Variants in PTPRD observed in about 807,000 individuals in gnomAD.
PTPRD encodes receptor-type tyrosine-protein phosphatase delta.
Under a neutral mutation model 214.5 loss-of-function variants are expected in PTPRD, and 34 were observed. That is an observed-to-expected ratio of 0.16 (90% confidence interval 0.12 to 0.21). The LOEUF (loss-of-function observed/expected upper bound fraction) is 0.21, where lower values mean the gene tolerates loss of function less well. Ranked by LOEUF, PTPRD falls within the 10% of genes least tolerant of loss-of-function variation. The pLI, the probability that PTPRD is intolerant of heterozygous loss-of-function variation, is 1.00. For synonymous variants in PTPRD, 1,128 were observed against 845.7 expected, an observed-to-expected ratio of 1.33 and a Z score of -5.79; for missense variants, 2,545 against 2,398.7, an observed-to-expected ratio of 1.06 and a Z score of -1.27.
chr9:9,558,007 C>A (rs1249274314), intron 8 of PTPRD, among the ~76,000 whole-genome samples: 1 of 152,214 alleles, frequency 6.6e-6, no homozygotes, highest in Non-Finnish European at 1.5e-5. Flanking sequence ...CAGCACACAG[C>A]CAGCTTTTAC....
intron 11 of PTPRD, among the ~76,000 whole-genome samples, chr9:8,849,962 A>G (rs963764802): frequency 6.6e-6 from 1 of 152,234 alleles, no homozygotes; most frequent in African/African-American, 2.4e-5. Flanking sequence ...TAGGAAAGGT[A>G]GAAATGGAAA....
chr9:8,807,759 G>T (rs2096717082), intron 11 of PTPRD, among the ~76,000 whole-genome samples: 1 of 152,114 alleles, frequency 6.6e-6, no homozygotes, highest in African/African-American at 2.4e-5. Flanking sequence ...GTTCCAACGA[G>T]TGTGGTCTGC....
chr9:10,105,964 G>A (rs72694865), intron 3 of PTPRD, among the ~76,000 whole-genome samples: 7,550 of 130,274 alleles, frequency 0.058, 248 homozygotes, highest in Admixed American at 0.12. Context: ...GGGGATGAAT[G>A]CCCAGAAAGA....
intron 11 of PTPRD, among the ~76,000 whole-genome samples, chr9:8,771,839 A>T (rs2095235957): frequency 6.6e-6 from 1 of 152,052 alleles, no homozygotes; most frequent in Non-Finnish European, 1.5e-5. Flanking sequence ...AAAAAAATTC[A>T]GCCATCAGTC....
intron 3 of PTPRD, among the ~76,000 whole-genome samples, chr9:10,225,796 G>A (rs2099586987): frequency 6.6e-6 from 1 of 151,976 alleles, no homozygotes; most frequent in Non-Finnish European, 1.5e-5. Context: ...AAGAACTAAT[G>A]TTCATGGTTC....
At chr9:9,471,778 C>CG (rs1268917663) in intron 8 of PTPRD, among the ~76,000 whole-genome samples, 1 of 27,602 alleles carries the variant, frequency 3.6e-5, no homozygotes, top group Non-Finnish European at 9.7e-5. Context: ...TAGGCATTCA[C>CG]CCCCATTATA....
intron 5 of PTPRD, among the ~76,000 whole-genome samples, chr9:9,873,050 T>C (rs543862523): frequency 1.3e-3 from 194 of 152,258 alleles, no homozygotes; most frequent in African/African-American, 4.2e-3. Context: ...AAATAATCTA[T>C]ATAATAGGAT....
At chr9:8,816,776 C>T (rs2096928154) in intron 11 of PTPRD, among the ~76,000 whole-genome samples, 1 of 152,150 alleles carries the variant, frequency 6.6e-6, no homozygotes, top group Admixed American at 6.6e-5. Context: ...AAACAAAAGC[C>T]TCTTGAAGTC....
At chr9:9,379,632 T>C (rs1311199763) in intron 9 of PTPRD, among the ~76,000 whole-genome samples, 1 of 152,088 alleles carries the variant, frequency 6.6e-6, no homozygotes, top group Non-Finnish European at 1.5e-5. Context: ...TGGGAAGAAC[T>C]GACATCTTGA....
intron 9 of PTPRD, among the ~76,000 whole-genome samples, chr9:9,389,679 C>T (rs532132231): frequency 1.5e-3 from 222 of 152,238 alleles, no homozygotes; most frequent in African/African-American, 5.2e-3. Flanking sequence ...CCATTTGATA[C>T]TGTACCTAAC....
At chr9:8,921,307 C>T (rs893858835) in intron 11 of PTPRD, among the ~76,000 whole-genome samples, 1 of 152,112 alleles carries the variant, frequency 6.6e-6, no homozygotes, top group African/African-American at 2.4e-5. Context: ...CCTGAACTTG[C>T]TCTCACTCCT....
intron 7 of PTPRD, among the ~76,000 whole-genome samples, chr9:9,645,631 G>T (rs1361676201): frequency 6.6e-6 from 1 of 151,690 alleles, no homozygotes; most frequent in Non-Finnish European, 1.5e-5. Context: ...AACTTTAAAT[G>T]CAACTCATTT....
rs114995147 is a variant in PTPRD, at chr9:10,429,148, A to C, written c.-599-88131T>G. Among the ~76,000 whole-genome samples the C allele has an allele frequency of 4.3e-3, 653 of 152,126 alleles. 4 individuals are homozygous for C. The highest frequency in any genetic ancestry group is 0.015 in the African/African-American group (620 of 41,540). On this transcript the variant is annotated intron_variant, in intron 2 of 45. Coordinates refer to ENST00000381196, the MANE Select transcript of PTPRD (RefSeq NM_002839.4). ...TATTTAATTGTATAAAATTTGTATC[A>C]ATAAAAATAATGCCAAACTTAACAC...
At chr9:9,513,896 T>C (rs1445724218) in intron 8 of PTPRD, among the ~76,000 whole-genome samples, 2 of 152,046 alleles carry the variant, frequency 1.3e-5, no homozygotes, top group South Asian at 4.1e-4. Context: ...GGATAAATGT[T>C]GATGGCAGAA....
intron 2 of PTPRD, among the ~76,000 whole-genome samples, chr9:10,466,604 C>T (rs570971416): frequency 9.5e-6 from 1 of 105,686 alleles, no homozygotes; most frequent in African/African-American, 4.0e-5. Context: ...GCCTGGGCAA[C>T]AAGAGCGAAA....
At chr9:8,505,987 T>C (rs2097536403) in intron 22 of PTPRD, among the ~76,000 whole-genome samples, 2 of 152,216 alleles carry the variant, frequency 1.3e-5, no homozygotes. Context: ...TATCTGCATT[T>C]CAACTATATA....
chr9:10,240,877 T>G (rs2090891230), intron 3 of PTPRD, among the ~76,000 whole-genome samples: 1 of 151,876 alleles, frequency 6.6e-6, no homozygotes, highest in African/African-American at 2.4e-5. Flanking sequence ...AATTAGACTT[T>G]TTCAAAACCT....
intron 11 of PTPRD, among the ~76,000 whole-genome samples, chr9:8,994,529 T>C (rs1369239635): frequency 6.6e-6 from 1 of 152,010 alleles, no homozygotes; most frequent in Non-Finnish European, 1.5e-5. Flanking sequence ...AATTTGAGAA[T>C]ATGAAATAAT....
chr9:10,478,467 C>T (rs2099077157), intron 2 of PTPRD, among the ~76,000 whole-genome samples: 1 of 152,098 alleles, frequency 6.6e-6, no homozygotes, highest in Admixed American at 6.6e-5. Flanking sequence ...ATTCATATCA[C>T]CCCTTTAATT....
Sources: allele counts gnomAD v4.1 joint callset (sites outside exome capture counted in the v4.1 genomes callset), GRCh38; gene constraint gnomAD v4.1.1; transcripts MANE v1.5; gene names NCBI Gene and HGNC (gene_info 2026-07-23, HGNC 2026-07-21).